DMXL2: variants seen among roughly 807,000 people sequenced by gnomAD.
The protein encoded by DMXL2 is dmX-like protein 2.
In DMXL2, 103 loss-of-function variants were observed where a neutral mutation model predicts 331.1. The ratio of observed to expected loss-of-function variants is 0.31; its 90% CI spans 0.27 to 0.37. The LOEUF is 0.37. Ranked by LOEUF, DMXL2 falls within the 10% of genes least tolerant of loss-of-function variation. DMXL2 has a pLI of 1.00. For missense variants in DMXL2, 3,171 were observed against 3,642.9 expected (o/e 0.87, Z 3.33); for synonymous variants, 1,281 against 1,252.1 (o/e 1.02, Z -0.49).
intron 15 of DMXL2, among the ~76,000 whole-genome samples, chr15:51,508,130 G>A (rs2046522254): frequency 6.6e-6 from 1 of 152,022 alleles, no homozygotes; most frequent in South Asian, 2.1e-4. Context: ...TGAACAATGA[G>A]AACACATAGA....
In DMXL2 at chr15:51,498,604, T is replaced by C. The variant is rs983008868; in HGVS notation, c.4620A>G (p.Thr1540=). 3.1e-6 allele frequency: 5 copies of C among 1,614,176 alleles called. No individual in the cohort carries two copies. The highest frequency in any genetic ancestry group is 4.2e-6 in the Non-Finnish European group (5 of 1,179,998). ...CAAGCTCAGTACTAGTAGTAGCCAC[T>C]GTATCAGCCAAAGCTACAAGGAACA... The part of the protein sequence containing the change: ...EQMFLVALAD[T]VATTSTELDE... The change falls in exon 18 of 44, where the codon ACA becomes ACG. Residue 1540 remains threonine (T), a synonymous_variant. Coordinates refer to ENST00000560891, the MANE Select transcript of DMXL2 (RefSeq NM_001378457.1).
chr15:51,563,247 T>C, intron 6 of DMXL2, 134 bp downstream of exon 6: 1 of 743,852 alleles, frequency 1.3e-6, no homozygotes, highest in Non-Finnish European at 2.1e-6. Context: ...AACACCACTT[T>C]TATTCTTCAG....
intron 29 of DMXL2, among the ~76,000 whole-genome samples, chr15:51,467,137 A>G (rs1413542448): frequency 1.3e-5 from 2 of 152,068 alleles, no homozygotes; most frequent in Non-Finnish European, 2.9e-5. Context: ...TTCTAGATAA[A>G]TAAGAGAATT....
chr15:51,555,737 T>A (rs989998926), intron 6 of DMXL2, among the ~76,000 whole-genome samples: 1 of 152,058 alleles, frequency 6.6e-6, no homozygotes, highest in Non-Finnish European at 1.5e-5. Context: ...TGCTAATAAA[T>A]TTGAAAATCT....
chr15:51,517,739 C>G (rs1322714694), intron 13 of DMXL2, among the ~76,000 whole-genome samples: 1 of 152,210 alleles, frequency 6.6e-6, no homozygotes, highest in Non-Finnish European at 1.5e-5. Context: ...GCCCATTCTC[C>G]TCAGCACCCA....
chr15:51,588,936 A>G (rs2052073892), intron 1 of DMXL2, among the ~76,000 whole-genome samples: 1 of 152,208 alleles, frequency 6.6e-6, no homozygotes, highest in South Asian at 2.1e-4. Flanking sequence ...TGCTTCAAAA[A>G]GTCTCCAAAA....
chr15:51,452,083 G>A (rs188282573), intron 41 of DMXL2, among the ~76,000 whole-genome samples: 36 of 152,152 alleles, frequency 2.4e-4, no homozygotes, highest in Non-Finnish European at 3.7e-4. Context: ...AGAATGATGG[G>A]GACAGTGTCA....
intron 15 of DMXL2, among the ~76,000 whole-genome samples, chr15:51,512,316 T>C (rs1015623775): frequency 4.0e-5 from 6 of 151,860 alleles, no homozygotes; most frequent in Non-Finnish European, 7.4e-5. Flanking sequence ...ATGTAAACTT[T>C]GTTTGGATAT....
chr15:51,476,685 C>T lies in DMXL2; in HGVS notation c.6868G>A (p.Ala2290Thr), dbSNP rs759469181. The T allele has an allele frequency of 3.7e-6, 6 of 1,608,638 alleles. No individual in the cohort carries two copies. The highest frequency in any genetic ancestry group is 1.3e-5 in the African/African-American group (1 of 74,590). The change falls in exon 27 of 44, where the codon GCT (alanine) becomes ACT (threonine). Residue 2290 changes from alanine to threonine, a missense_variant. By Grantham distance (58) the Ala-to-Thr change is moderately conservative (BLOSUM62 0). Transcript: ENST00000560891. ...QTEGNQFTGM[A>T]YQGLLLSDRR... Reference sequence around the variant, plus strand: ...TCACTTAAAAGAAGTCCTTGATAAGCCATTCCTGTAAACTGATTTCCTTCT... The same window carrying T: ...TCACTTAAAAGAAGTCCTTGATAAGTCATTCCTGTAAACTGATTTCCTTCT...
chr15:51,479,611 A>G (rs1436792504), intron 25 of DMXL2, among the ~76,000 whole-genome samples: 1 of 152,192 alleles, frequency 6.6e-6, no homozygotes, highest in Non-Finnish European at 1.5e-5. Flanking sequence ...TATTTTCATA[A>G]TATCTTGGCA....
intron 1 of DMXL2, among the ~76,000 whole-genome samples, chr15:51,593,284 ACTT>A: frequency 6.6e-6 from 1 of 152,222 alleles, no homozygotes; most frequent in Non-Finnish European, 1.5e-5. Flanking sequence ...GATAAAACAG[ACTT>A]TAAACCAACA....
At chr15:51,512,967 T>C (rs1448240051) in intron 15 of DMXL2, among the ~76,000 whole-genome samples, 2 of 152,132 alleles carry the variant, frequency 1.3e-5, no homozygotes, top group South Asian at 4.1e-4. Context: ...TTTTCTTAAC[T>C]AAAAGGGTAA....
intron 25 of DMXL2, among the ~76,000 whole-genome samples, chr15:51,478,571 G>C (rs557796401): frequency 6.6e-6 from 1 of 152,094 alleles, no homozygotes; most frequent in East Asian, 1.9e-4. Context: ...TAATCAAACA[G>C]TTACTTACTG....
intron 13 of DMXL2, among the ~76,000 whole-genome samples, chr15:51,521,523 C>A (rs1270618176): frequency 6.6e-6 from 1 of 151,366 alleles, no homozygotes; most frequent in Non-Finnish European, 1.5e-5. Context: ...ACTTTCCCAG[C>A]TGTTATTATT....
At chr15:51,493,677 T>C (rs767810273) in intron 19 of DMXL2, among the ~76,000 whole-genome samples, 6 of 152,018 alleles carry the variant, frequency 3.9e-5, no homozygotes, top group Non-Finnish European at 8.8e-5. Flanking sequence ...AAAGGGAAAA[T>C]GGAATTTGAC....
At chr15:51,488,476 A>G in intron 21 of DMXL2, 72 bp downstream of exon 21, 1 of 1,330,702 alleles carries the variant, frequency 7.5e-7, no homozygotes, top group Non-Finnish European at 1.1e-6. Flanking sequence ...ATTATTTTCA[A>G]AAGCATTAGG....
chr15:51,560,504 CAAAAAAAAAAAAAAAA>C (rs66990182), intron 6 of DMXL2, among the ~76,000 whole-genome samples: 1 of 41,522 alleles, frequency 2.4e-5, no homozygotes, highest in Non-Finnish European at 4.3e-5. Flanking sequence ...TTATTTCTAC[CAAAAAAAAAAAAAAAA>C]AAAAAAAAAA....
chr15:51,497,862 CATG>C (rs2043292389), intron 18 of DMXL2, among the ~76,000 whole-genome samples: 1 of 152,116 alleles, frequency 6.6e-6, no homozygotes, highest in Non-Finnish European at 1.5e-5. Context: ...CAATAAGCCT[CATG>C]ATTCCATAGT....
intron 1 of DMXL2, among the ~76,000 whole-genome samples, chr15:51,587,342 C>T (rs938956628): frequency 2.0e-5 from 3 of 151,912 alleles, no homozygotes; most frequent in Admixed American, 6.6e-5. Context: ...CAACAGGTCC[C>T]GGTATGTGAT....
Sources: allele counts gnomAD v4.1 joint callset (sites outside exome capture counted in the v4.1 genomes callset), GRCh38; gene constraint gnomAD v4.1.1; transcripts MANE v1.5; gene names NCBI Gene and HGNC (gene_info 2026-07-23, HGNC 2026-07-21).